The following MALRD1 variants were observed in gnomAD, a reference collection of about 807,000 sequenced individuals.
MALRD1 encodes MAM and LDL-receptor class A domain-containing protein 1.
A neutral mutation model predicts 242.1 loss-of-function variants in MALRD1; 247 were observed. The observed-to-expected ratio is 1.02, with a 90% CI of 0.92 to 1.13. MALRD1 has a LOEUF of 1.13. MALRD1 is among the 50% of genes most tolerant of loss of function. The pLI is 0.00. For synonymous variants in MALRD1, 995 were observed against 866.6 expected (o/e 1.15, Z -2.60); for missense variants, 2,989 against 2,533.1 (o/e 1.18, Z -3.86).
chr10:19,366,028 C>T (rs774837803), intron 26 of MALRD1, among the ~76,000 whole-genome samples: 2 of 151,836 alleles, frequency 1.3e-5, no homozygotes, highest in Non-Finnish European at 2.9e-5. Flanking sequence ...CACCAGGGAC[C>T]GGTTTCATGG....
chr10:19,076,445 T>C (rs373729484), intron 2 of MALRD1, among the ~76,000 whole-genome samples: 14 of 152,136 alleles, frequency 9.2e-5, no homozygotes, highest in Admixed American at 4.6e-4. Flanking sequence ...TTATATCTTA[T>C]ACTTAGGTCT....
intron 19 of MALRD1, among the ~76,000 whole-genome samples, chr10:19,262,830 A>G (rs969288801): frequency 6.6e-6 from 1 of 151,842 alleles, no homozygotes. Context: ...CTACCTCTGT[A>G]CTCTGTTCTG....
At chr10:19,684,478 G>A (rs1842493594) in intron 36 of MALRD1, among the ~76,000 whole-genome samples, 1 of 152,162 alleles carries the variant, frequency 6.6e-6, no homozygotes, top group African/African-American at 2.4e-5. Flanking sequence ...GCTAATGGCT[G>A]GGCATGGTGG....
At chr10:19,674,916 G>C (rs1240585774) in intron 36 of MALRD1, among the ~76,000 whole-genome samples, 2 of 150,136 alleles carry the variant, frequency 1.3e-5, no homozygotes, top group Non-Finnish European at 3.0e-5. Flanking sequence ...TTGAAAAAAA[G>C]GAAAGGCAGG....
At chr10:19,684,053 T>C (rs1037725730) in intron 36 of MALRD1, among the ~76,000 whole-genome samples, 1 of 152,214 alleles carries the variant, frequency 6.6e-6, no homozygotes, top group Admixed American at 6.5e-5. Flanking sequence ...CCTGTGTTCC[T>C]GTGTTAGTTT....
intron 26 of MALRD1, among the ~76,000 whole-genome samples, chr10:19,361,688 T>C (rs537472203): frequency 7.9e-5 from 12 of 152,242 alleles, no homozygotes; most frequent in Non-Finnish European, 1.3e-4. Flanking sequence ...GTCGGTTTCA[T>C]GGAGAGCCAA....
intron 24 of MALRD1, among the ~76,000 whole-genome samples, chr10:19,344,835 C>A (rs1591350): frequency 0.77 from 116,316 of 151,736 alleles, 44,971 homozygotes; most frequent in African/African-American, 0.85. Flanking sequence ...GGTTTTCAGC[C>A]TACAAATTTT....
At position 19,297,740 on chromosome 10, in the gene MALRD1, A is replaced by G. The variant is rs952325857; in HGVS notation, c.3419+14559A>G. ...CAAAGATCTTTAAATTTAGATTTAAAAAACTGTGTCATTTAAAACAAAGTA... is the reference window on the plus strand; with the variant it reads ...CAAAGATCTTTAAATTTAGATTTAAGAAACTGTGTCATTTAAAACAAAGTA... On this transcript the variant is annotated intron_variant, in intron 21 of 39. Coordinates refer to ENST00000454679, the MANE Select transcript of MALRD1 (RefSeq NM_001142308.3). Among the ~76,000 whole-genome samples, 10 of 152,082 alleles carry G rather than the reference A, an allele frequency of 6.6e-5. No individual in the cohort carries two copies. The South Asian group carries it at 1.0e-3, about 16-fold the overall frequency.
intron 28 of MALRD1, among the ~76,000 whole-genome samples, chr10:19,449,806 C>G (rs779221461): frequency 1.3e-5 from 2 of 152,066 alleles, no homozygotes; most frequent in Non-Finnish European, 2.9e-5. Flanking sequence ...GCCTGTATAG[C>G]AAACCTGCAC....
At chr10:19,581,500 G>A (rs1837122845) in intron 33 of MALRD1, among the ~76,000 whole-genome samples, 1 of 151,652 alleles carries the variant, frequency 6.6e-6, no homozygotes, top group African/African-American at 2.4e-5. Flanking sequence ...ACAGTTTACT[G>A]AGAATGATGA....
At chr10:19,530,445 A>AT (rs1370145335) in intron 31 of MALRD1, among the ~76,000 whole-genome samples, 3 of 56,356 alleles carry the variant, frequency 5.3e-5, no homozygotes, top group East Asian at 4.5e-4. Flanking sequence ...TATAATATAT[A>AT]ATATATAATA....
At chr10:19,516,944 C>T (rs1390307840) in intron 31 of MALRD1, among the ~76,000 whole-genome samples, 6 of 152,090 alleles carry the variant, frequency 3.9e-5, no homozygotes, top group African/African-American at 4.8e-5. Flanking sequence ...CAAGAAAGAA[C>T]GGCATAGCTA....
intron 28 of MALRD1, among the ~76,000 whole-genome samples, chr10:19,421,927 G>A (rs895167640): frequency 6.6e-6 from 1 of 152,186 alleles, no homozygotes; most frequent in Non-Finnish European, 1.5e-5. Flanking sequence ...GATGGAAGGA[G>A]CATATGACTG....
intron 36 of MALRD1, among the ~76,000 whole-genome samples, chr10:19,655,919 C>T (rs1841135064): frequency 6.6e-6 from 1 of 152,072 alleles, no homozygotes; most frequent in Non-Finnish European, 1.5e-5. Flanking sequence ...GACAGAGTGT[C>T]TCAGTTGGTA....
intron 18 of MALRD1, among the ~76,000 whole-genome samples, chr10:19,251,378 AG>A (rs1839285511): frequency 6.6e-6 from 1 of 151,852 alleles, no homozygotes; most frequent in African/African-American, 2.4e-5. Context: ...CTTTCTCTGG[AG>A]GGGAGAATGG....
chr10:19,696,421 A>G (rs955533727), intron 38 of MALRD1, among the ~76,000 whole-genome samples: 2 of 152,196 alleles, frequency 1.3e-5, no homozygotes, highest in African/African-American at 4.8e-5. Flanking sequence ...AACACCAAAT[A>G]TGTCACAGAG....
At chr10:19,061,275 A>G (rs1834814947) in intron 1 of MALRD1, among the ~76,000 whole-genome samples, 1 of 152,228 alleles carries the variant, frequency 6.6e-6, no homozygotes, top group African/African-American at 2.4e-5. Flanking sequence ...GTTGAAAGAC[A>G]TTTACAAAGA....
At chr10:19,496,505 C>G (rs1335106684) in intron 30 of MALRD1, among the ~76,000 whole-genome samples, 2 of 152,066 alleles carry the variant, frequency 1.3e-5, no homozygotes, top group Non-Finnish European at 2.9e-5. Flanking sequence ...TTTTTTGAAA[C>G]TAATGAGAAC....
At chr10:19,227,148 A>G (rs72788010) in intron 18 of MALRD1, among the ~76,000 whole-genome samples, 18,078 of 151,836 alleles carry the variant, frequency 0.12, 1,104 homozygotes, top group East Asian at 0.18. Flanking sequence ...TACAAAGCTG[A>G]TTCTAATTTT....
Sources: allele counts gnomAD v4.1 joint callset (sites outside exome capture counted in the v4.1 genomes callset), GRCh38; gene constraint gnomAD v4.1.1; transcripts MANE v1.5; gene names NCBI Gene and HGNC (gene_info 2026-07-23, HGNC 2026-07-21).